MCF2L: variants seen among roughly 807,000 people sequenced by gnomAD.
The protein encoded by MCF2L is guanine nucleotide exchange factor DBS.
Under a neutral mutation model 153.4 loss-of-function variants are expected in MCF2L, and 97 were observed. The ratio of observed to expected loss-of-function variants is 0.63; its 90% CI spans 0.54 to 0.75. The LOEUF is 0.75. Ranked by LOEUF, MCF2L falls within the 30% of genes least tolerant of loss-of-function variation. The pLI, the probability that MCF2L is intolerant of heterozygous loss-of-function variation, is 0.00. For missense variants in MCF2L, 1,347 were observed against 1,495.2 expected (o/e 0.90, Z 1.64); for synonymous variants, 659 against 632.2 (o/e 1.04, Z -0.64).
intron 4 of MCF2L, among the ~76,000 whole-genome samples, chr13:113,052,301 G>GC (rs1490666526): frequency 2.0e-5 from 3 of 152,164 alleles, no homozygotes; most frequent in Non-Finnish European, 2.9e-5. Flanking sequence ...AGAGGAAGGA[G>GC]CCCGGGGGTC....
At chr13:112,915,121 C>A (rs2081277199) in intron 2 of MCF2L, among the ~76,000 whole-genome samples, 1 of 152,100 alleles carries the variant, frequency 6.6e-6, no homozygotes, top group African/African-American at 2.4e-5. Flanking sequence ...ATCAAAATCT[C>A]CATGTTGGCC....
At chr13:112,957,368 C>G (rs1381433460) in intron 2 of MCF2L, 1 of 152,238 alleles carries the variant, frequency 6.6e-6, no homozygotes. Flanking sequence ...TGTGATGTCT[C>G]CAAACTGTAG....
Position 113,064,884 on chromosome 13 carries a change from G to C in MCF2L, c.607-52G>C, listed in dbSNP as rs2032117293. The C allele has an allele frequency of 1.1e-5, 17 of 1,569,548 alleles. No individual in the cohort carries two copies. Among genetic ancestry groups the C allele is most frequent in the Non-Finnish European group, 1.5e-5 (17 of 1,154,982 alleles). On this transcript the variant is annotated intron_variant, in intron 6 of 29. Transcript: ENST00000535094. The surrounding 1 kb of genome is among the most constrained non-coding windows in gnomAD (Gnocchi z 6.0). Reference sequence around the variant, plus strand: ...GCCGGTGTCTGCTTTCAGGGCAGCAGGAGGTGGGTGCAGTGCACAAGGCAT... The same window carrying C: ...GCCGGTGTCTGCTTTCAGGGCAGCACGAGGTGGGTGCAGTGCACAAGGCAT...
intron 26 of MCF2L, among the ~76,000 whole-genome samples, chr13:113,091,545 T>C (rs1298276137): frequency 6.6e-6 from 1 of 151,378 alleles, no homozygotes; most frequent in Non-Finnish European, 1.5e-5. Context: ...GGGCACCCTG[T>C]TCCCTGCCCT....
rs2031983463 is a variant in MCF2L at position 113,064,091 on chromosome 13, C to CGCCA, written c.490-212_490-209dup. ...CATCATAAGGGCCATAACACACACA[C>CGCCA]GCCACCACGAGAGGAGGTGTCGGCG... On this transcript the variant is annotated intron_variant, in intron 5 of 29. Transcript: ENST00000535094. The surrounding 1 kb of genome is among the most constrained non-coding windows in gnomAD (Gnocchi z 6.0). Among the ~76,000 whole-genome samples, 2 of 152,154 alleles carry CGCCA rather than the reference C, an allele frequency of 1.3e-5. No individual in the cohort carries two copies. The highest frequency in any genetic ancestry group is 4.8e-5 in the African/African-American group (2 of 41,434).
intron 15 of MCF2L, among the ~76,000 whole-genome samples, chr13:113,079,044 G>A (rs944226946): frequency 2.0e-5 from 3 of 152,194 alleles, no homozygotes; most frequent in East Asian, 1.9e-4. Context: ...GCCTCCACCC[G>A]CCACTGCCAT....
At chr13:113,006,502 TG>T (rs1305463873) in intron 1 of MCF2L, among the ~76,000 whole-genome samples, 1 of 152,182 alleles carries the variant, frequency 6.6e-6, no homozygotes, top group Non-Finnish European at 1.5e-5. Flanking sequence ...CCTTTCTCCC[TG>T]GACCCCTAGC....
At chr13:113,069,810 A>C (rs1173236679) in intron 8 of MCF2L, among the ~76,000 whole-genome samples, 1 of 152,200 alleles carries the variant, frequency 6.6e-6, no homozygotes, top group Admixed American at 6.5e-5. Flanking sequence ...GCAGTGACCT[A>C]GAGGGAGAGA....
At chr13:113,086,339 C>T in intron 21 of MCF2L, 90 bp downstream of exon 21, 8 of 1,547,882 alleles carry the variant, frequency 5.2e-6, no homozygotes, top group Non-Finnish European at 7.0e-6. Flanking sequence ...ACGCCCCTCG[C>T]TTTGGTGTGA....
chr13:113,059,131 C>T (rs1051675207), intron 4 of MCF2L, among the ~76,000 whole-genome samples: 1 of 152,198 alleles, frequency 6.6e-6, no homozygotes, highest in Non-Finnish European at 1.5e-5. Flanking sequence ...ATGTTGCAAT[C>T]CCAGAGCTGG....
chr13:112,936,130 A>AC (rs1453590481), intron 2 of MCF2L, among the ~76,000 whole-genome samples: 1 of 152,018 alleles, frequency 6.6e-6, no homozygotes, highest in East Asian at 1.9e-4. Flanking sequence ...AAATACAAAA[A>AC]TTAGCTGGGT....
At position 113,025,994 on chromosome 13, in the gene MCF2L, T is replaced by C. The variant is rs868329087; in HGVS notation, c.278+1236T>C. 6.5e-3 allele frequency among the ~76,000 whole-genome samples: 246 copies of C among 37,608 alleles called. 6 individuals carry two copies. Among genetic ancestry groups the C allele is most frequent in the African/African-American group, 0.015 (141 of 9,562 alleles). The allele number at this position is 37,608 out of a possible 152,430, so 24.7% of individuals were successfully genotyped here. A position where few individuals can be genotyped will look rare whatever the true frequency, so the allele number is the denominator to read the frequency against. ...CGTGACTGTGGGTCGGGGCAGAGTCTCCGTGAGGTTTCATCATGGTGGGGT... is the reference window on the plus strand; with the variant it reads ...CGTGACTGTGGGTCGGGGCAGAGTCCCCGTGAGGTTTCATCATGGTGGGGT... On this transcript the variant is annotated intron_variant, in intron 3 of 29. Transcript: ENST00000535094.
At chr13:112,938,600 T>C (rs1324380414) in intron 2 of MCF2L, among the ~76,000 whole-genome samples, 2 of 152,000 alleles carry the variant, frequency 1.3e-5, no homozygotes, top group Non-Finnish European at 2.9e-5. Context: ...AGAAGACGCT[T>C]TTTCTTTTGT....
At chr13:112,914,944 G>T (rs924514899) in intron 2 of MCF2L, among the ~76,000 whole-genome samples, 2 of 151,774 alleles carry the variant, frequency 1.3e-5, no homozygotes, top group Non-Finnish European at 2.9e-5. Flanking sequence ...ATTTTGAGTC[G>T]TAGTTGAAAA....
At chr13:113,007,981 A>G (rs2141119115) in intron 1 of MCF2L, among the ~76,000 whole-genome samples, 1 of 148,186 alleles carries the variant, frequency 6.7e-6, no homozygotes, top group South Asian at 2.1e-4. Context: ...CAGTGGCACA[A>G]TCTCAGCTCA....
intron 2 of MCF2L, among the ~76,000 whole-genome samples, chr13:112,953,015 A>G (rs2140718169): frequency 6.6e-6 from 1 of 152,302 alleles, no homozygotes; most frequent in Admixed American, 6.5e-5. Context: ...TCTAAATGGG[A>G]TGGGCCCGAG....
At chr13:112,955,761 C>G (rs554170629) in intron 2 of MCF2L, among the ~76,000 whole-genome samples, 1 of 152,168 alleles carries the variant, frequency 6.6e-6, no homozygotes, top group East Asian at 1.9e-4. Flanking sequence ...AAGCTAAGAC[C>G]GAGGGCTTGT....
chr13:112,961,502 G>A (rs770011263), intron 2 of MCF2L, among the ~76,000 whole-genome samples: 7 of 152,338 alleles, frequency 4.6e-5, no homozygotes, highest in African/African-American at 7.2e-5. Flanking sequence ...CCTCCTCAGG[G>A]AACATGGTCA....
intron 1 of MCF2L, among the ~76,000 whole-genome samples, chr13:112,899,343 G>A (rs564118155): frequency 6.6e-6 from 1 of 152,334 alleles, no homozygotes; most frequent in South Asian, 2.1e-4. Flanking sequence ...TTGCCCAGGG[G>A]AAAGCAGACG....
Sources: gnomAD v4.1 joint callset for allele counts (sites outside exome capture counted in the v4.1 genomes callset) on GRCh38, gnomAD v4.1.1 for gene constraint, Gnocchi (gnomAD v3.1) non-coding constraint, MANE v1.5 for transcripts, NCBI Gene and HGNC (gene_info 2026-07-23, HGNC 2026-07-21) for gene names.